The following EXO1 variants were observed in gnomAD, a reference collection of about 807,000 sequenced individuals.
The protein encoded by EXO1 is exonuclease 1.
In EXO1, 69 loss-of-function variants were observed where a neutral mutation model predicts 84.5. The ratio of observed to expected loss-of-function variants is 0.82; its 90% confidence interval spans 0.67 to 1.00. The LOEUF (loss-of-function observed/expected upper bound fraction) is 1.00, where lower values mean the gene tolerates loss of function less well. Ranked by LOEUF, EXO1 falls within the 50% of genes least tolerant of loss-of-function variation. EXO1 has a pLI of 0.00. For synonymous variants in EXO1, 373 were observed against 366.1 expected (o/e 1.02, Z -0.21); for missense variants, 1,045 against 1,000.7 (o/e 1.04, Z -0.60).
chr1:241,865,078 C>T lies in EXO1; in HGVS notation c.1042-1752C>T, dbSNP rs1475706233. 8.6e-5 allele frequency among the ~76,000 whole-genome samples: 13 copies of T among 150,790 alleles called. No individual in the cohort carries two copies. The East Asian group carries it at 2.0e-3, about 23-fold the overall frequency. ...GGGGGGGGGGTCTCACTATGTTGCCCAGGCTAGTCTTGAACTCCTGGCCTG... is the reference window on the plus strand; with the variant it reads ...GGGGGGGGGGTCTCACTATGTTGCCTAGGCTAGTCTTGAACTCCTGGCCTG... On this transcript the variant is annotated intron_variant, in intron 10 of 15. Transcript: ENST00000366548.
chr1:241,865,057 G>T (rs950387619), intron 10 of EXO1, among the ~76,000 whole-genome samples: 1 of 147,592 alleles, frequency 6.8e-6, no homozygotes, highest in Non-Finnish European at 1.5e-5. Context: ...GTGTGTGGGG[G>T]GGGGGTCTCA....
chr1:241,866,716 G>T, intron 10 of EXO1, 114 bp from the exon 11 acceptor site: 1 of 793,122 alleles, frequency 1.3e-6, no homozygotes, highest in Non-Finnish European at 2.1e-6. Context: ...TTCATCAACA[G>T]CTATTGTTTT....
intron 10 of EXO1, among the ~76,000 whole-genome samples, chr1:241,863,678 T>C (rs138797671): frequency 1.2e-4 from 19 of 152,340 alleles, no homozygotes; most frequent in African/African-American, 4.6e-4. Context: ...AAATGAACTT[T>C]ATCAGCTTCA....
chr1:241,862,100 G>A (rs953437079), intron 10 of EXO1, among the ~76,000 whole-genome samples: 3 of 152,010 alleles, frequency 2.0e-5, no homozygotes, highest in Admixed American at 1.3e-4. Flanking sequence ...CACCACGCCC[G>A]GCTAATTTTG....
At chr1:241,865,827 C>T (rs1038529338) in intron 10 of EXO1, among the ~76,000 whole-genome samples, 1 of 152,150 alleles carries the variant, frequency 6.6e-6, no homozygotes, top group Non-Finnish European at 1.5e-5. Context: ...ACTGATAAAG[C>T]TATCTTTTTA....
chr1:241,863,773 G>A (rs1776138), intron 10 of EXO1, among the ~76,000 whole-genome samples: 76,625 of 152,008 alleles, frequency 0.5, 19,577 homozygotes, highest in East Asian at 0.71. Context: ...GCCATGTGTG[G>A]CTATTTAAAT....
intron 10 of EXO1, 115 bp downstream of exon 10, chr1:241,861,617 G>A (rs1661392964): frequency 1.4e-6 from 1 of 723,116 alleles, no homozygotes; most frequent in African/African-American, 1.7e-5. Flanking sequence ...TCCAGGCTCT[G>A]TGCAGAATGT....
At chr1:241,884,370 C>T (rs1237406611) in intron 14 of EXO1, among the ~76,000 whole-genome samples, 5 of 152,052 alleles carry the variant, frequency 3.3e-5, no homozygotes, top group Non-Finnish European at 7.3e-5. Flanking sequence ...TTTTAATATA[C>T]CTCATTCTTA....
intron 5 of EXO1, 64 bp downstream of exon 5, chr1:241,852,475 T>A: frequency 1.4e-6 from 2 of 1,465,636 alleles, no homozygotes; most frequent in Non-Finnish European, 1.9e-6. Context: ...GTAGTCTATA[T>A]GATACCAATT....
intron 14 of EXO1, among the ~76,000 whole-genome samples, chr1:241,882,693 A>C (rs1355690074): frequency 6.6e-6 from 1 of 152,176 alleles, no homozygotes; most frequent in Non-Finnish European, 1.5e-5. Context: ...ATGGTTGATT[A>C]ATATGTGTTT....
Position 241,866,887 on chromosome 1 carries a change from G to C in EXO1, c.1099G>C (p.Val367Leu), listed in dbSNP as rs1308424748. Residue 367 changes from valine to leucine, a missense_variant, in exon 11 of 16, where the codon GTT (valine) becomes CTT (leucine). Physicochemically the swap from Val to Leu is conservative, Grantham distance 32. Coordinates refer to ENST00000366548, the MANE Select transcript of EXO1 (RefSeq NM_130398.4). ...CAAAACATGTCAAAAGTCAGCTAATGTTAGCAGCATTTGGCATAGGAATTA... is the reference window on the plus strand; with the variant it reads ...CAAAACATGTCAAAAGTCAGCTAATCTTAGCAGCATTTGGCATAGGAATTA... Reference protein sequence around the residue: ...DDKTCQKSANVSSIWHRNYSP... With the variant: ...DDKTCQKSANLSSIWHRNYSP... 1 of 1,614,122 alleles carries C rather than the reference G, an allele frequency of 6.2e-7. No homozygotes were observed. Among genetic ancestry groups the C allele is most frequent in the Non-Finnish European group, 8.5e-7 (1 of 1,179,984 alleles).
Position 241,889,782 on chromosome 1 carries a change from ATTTT to A in EXO1, c.*184_*187del. 1 of 626,690 alleles carries A rather than the reference ATTTT, an allele frequency of 1.6e-6. No individual in the cohort carries two copies. Among genetic ancestry groups the A allele is most frequent in the Non-Finnish European group, 2.8e-6 (1 of 358,468 alleles). The allele number at this position is 626,690 out of a possible 1,614,324, so 38.8% of individuals were successfully genotyped here. A position where few individuals can be genotyped will look rare whatever the true frequency, so the allele number is the denominator to read the frequency against. On this transcript the variant is annotated 3_prime_UTR_variant, in exon 16 of 16. Coordinates refer to ENST00000366548, the MANE Select transcript of EXO1 (RefSeq NM_130398.4). ...GTGGTTTTTTTGCTCAGCTTTTTATATTTTTATAAGAAGCTAAATAGAAGAATAA... is the reference window on the plus strand; with the variant it reads ...GTGGTTTTTTTGCTCAGCTTTTTATATATAAGAAGCTAAATAGAAGAATAA...
At position 241,848,575 on chromosome 1, in the gene EXO1, G is replaced by T. The variant is rs749753627; in HGVS notation, c.-419-156G>T. On this transcript the variant is annotated intron_variant, in intron 1 of 15. Coordinates refer to ENST00000366548, the MANE Select transcript of EXO1 (RefSeq NM_130398.4). This position sits in a 1 kb window ranked among gnomAD's most constrained non-coding sequence, Gnocchi z 4.2. The stretch of plus-strand genomic sequence containing the variant: ...ACCAGAGGTCTGCAGTTCAGTGAAC[G>T]GAGGGAGATAAGAGAGCAGACGATT... Among the ~76,000 whole-genome samples, 28 of 152,194 alleles carry T rather than the reference G, an allele frequency of 1.8e-4. No individual in the cohort carries two copies. The highest frequency in any genetic ancestry group is 3.4e-4 in the Non-Finnish European group (23 of 68,050).
At chr1:241,850,800 C>T (rs1390863758) in intron 4 of EXO1, among the ~76,000 whole-genome samples, 1 of 149,342 alleles carries the variant, frequency 6.7e-6, no homozygotes, top group African/African-American at 2.5e-5. Context: ...AGTATCAAGA[C>T]ACTGATGGAC....
intron 4 of EXO1, among the ~76,000 whole-genome samples, chr1:241,851,343 G>A (rs1446128420): frequency 6.6e-6 from 1 of 152,120 alleles, no homozygotes; most frequent in Non-Finnish European, 1.5e-5. Context: ...ACCAATGCAA[G>A]TTCACTGTCA....
Position 241,879,199 on chromosome 1 carries a change from G to C in EXO1, c.1965G>C (p.Lys655Asn). ...ENNMSDVSQL[K>N]SEESSDDESH... Reference sequence around the variant, plus strand: ...ATATGTCTGATGTGTCGCAGTTAAAGAGCGAGGAGTCCAGTGACGATGAGT... The same window carrying C: ...ATATGTCTGATGTGTCGCAGTTAAACAGCGAGGAGTCCAGTGACGATGAGT... The change falls in exon 13 of 16, where the codon AAG becomes AAC. Residue 655 changes from lysine to asparagine, a missense_variant. By Grantham distance (94) the Lys-to-Asn change is moderately conservative. Coordinates refer to ENST00000366548, the MANE Select transcript of EXO1 (RefSeq NM_130398.4). 6.2e-7 allele frequency: 1 copy of C among 1,603,362 alleles called. No homozygotes were observed. Among genetic ancestry groups the C allele is most frequent in the Non-Finnish European group, 8.5e-7 (1 of 1,171,942 alleles).
In EXO1 at chr1:241,878,921, A is replaced by G. The variant is rs766309231; in HGVS notation, c.1687A>G (p.Ile563Val). ...TDVARNSSDDIPNNHIPGDHI... is the reference protein window; with the variant it reads ...TDVARNSSDDVPNNHIPGDHI... ...TGTAGCACGTAATTCAAGTGATGACATTCCGAATAATCATATTCCAGGTGA... is the reference window on the plus strand; with the variant it reads ...TGTAGCACGTAATTCAAGTGATGACGTTCCGAATAATCATATTCCAGGTGA... The change falls in exon 13 of 16, where the codon ATT becomes GTT. Residue 563 changes from isoleucine to valine, a missense_variant. Physicochemically the swap from Ile to Val is conservative, Grantham distance 29. Transcript: ENST00000366548. 5.6e-6 allele frequency: 9 copies of G among 1,614,242 alleles called. No individual in the cohort carries two copies. Among genetic ancestry groups the G allele is most frequent in the East Asian group, 2.2e-5 (1 of 44,884 alleles).
intron 10 of EXO1, 33 bp downstream of exon 10, chr1:241,861,535 GT>G (rs1558129046): frequency 8.9e-7 from 1 of 1,128,856 alleles, no homozygotes. Flanking sequence ...ATGAAAACAC[GT>G]TTTAGTTATG....
chr1:241,867,006 A>G lies in EXO1; in HGVS notation c.1218A>G (p.Lys406=). The G allele has an allele frequency of 6.2e-7, 1 of 1,614,114 alleles. No homozygotes were observed. Among genetic ancestry groups the G allele is most frequent in the East Asian group, 2.2e-5 (1 of 44,872 alleles). ...TVGVERVIST[K]GLNLPRKSSI... Reference sequence around the variant, plus strand: ...GAGTGGAACGAGTGATTAGTACTAAAGGGTTAAATCTCCCAAGGAAATCAT... The same window carrying G: ...GAGTGGAACGAGTGATTAGTACTAAGGGGTTAAATCTCCCAAGGAAATCAT... Residue 406 remains lysine (K), a synonymous_variant, in exon 11 of 16, where the codon AAA becomes AAG. Coordinates refer to ENST00000366548, the MANE Select transcript of EXO1 (RefSeq NM_130398.4).
Sources: allele counts gnomAD v4.1 joint callset (sites outside exome capture counted in the v4.1 genomes callset), GRCh38; gene constraint gnomAD v4.1.1; non-coding constraint Gnocchi (gnomAD v3.1); transcripts MANE v1.5; gene names NCBI Gene and HGNC (gene_info 2026-07-23, HGNC 2026-07-21).